PCDH15: variants seen among roughly 807,000 people sequenced by gnomAD.
PCDH15 encodes protocadherin related 15.
PCDH15 carries 129 observed loss-of-function variants against 178.5 expected under a neutral mutation model. That is an observed-to-expected ratio of 0.72 (90% CI 0.63 to 0.84). The LOEUF is 0.84. Among genes scored for constraint, PCDH15 ranks in the 40% least tolerant of loss-of-function variants. PCDH15 has a pLI of 0.00. For synonymous variants in PCDH15, 800 were observed against 732.0 expected, an observed-to-expected ratio of 1.09 and a Z score of -1.50; for missense variants, 2,230 against 2,099.9, an observed-to-expected ratio of 1.06 and a Z score of -1.21.
At chr10:54,016,532 T>C (rs1589928975) in intron 20 of PCDH15, among the ~76,000 whole-genome samples, 2 of 152,270 alleles carry the variant, frequency 1.3e-5, no homozygotes, top group East Asian at 3.9e-4. Context: ...ATATATGCCA[T>C]GGAATAACTA....
chr10:55,061,121 CA>C (rs531797407), intron 2 of PCDH15, among the ~76,000 whole-genome samples: 1 of 151,532 alleles, frequency 6.6e-6, no homozygotes, highest in Non-Finnish European at 1.5e-5. Context: ...AAGACAATGG[CA>C]AAAAAATGAA....
At chr10:55,007,005 A>T (rs1021413343) in intron 2 of PCDH15, among the ~76,000 whole-genome samples, 1 of 150,722 alleles carries the variant, frequency 6.6e-6, no homozygotes, top group South Asian at 2.1e-4. Context: ...ACTGTTTAGC[A>T]CCTCCCCCCA....
At chr10:54,259,054 T>G (rs1306546499) in intron 8 of PCDH15, among the ~76,000 whole-genome samples, 1 of 152,172 alleles carries the variant, frequency 6.6e-6, no homozygotes, top group Non-Finnish European at 1.5e-5. Flanking sequence ...AAAATCTTCT[T>G]GAGAAATTAT....
At position 54,332,451 on chromosome 10, in the gene PCDH15, T is replaced by C. The variant is rs1231403495; in HGVS notation, c.595-2745A>G. 2.1e-5 allele frequency among the ~76,000 whole-genome samples: 3 copies of C among 144,324 alleles called. No individual in the cohort carries two copies. In the East Asian group the frequency reaches 5.9e-4, roughly 28 times the overall value. 94.7% of individuals were successfully genotyped at this position (144,324 alleles called of 152,430 possible). On this transcript the variant is annotated intron_variant, in intron 6 of 37. Coordinates refer to ENST00000644397, the MANE Select transcript of PCDH15 (RefSeq NM_001384140.1). ...TATTCCTGTCTCTATGTGTTTACAC[T>C]GTAGGCCTCTCTCTTCTCCAAACAG...
chr10:53,905,356 T>TG, intron 25 of PCDH15: 1 of 440,080 alleles, frequency 2.3e-6, no homozygotes, highest in Non-Finnish European at 4.6e-6. Flanking sequence ...TTTTTTGAGA[T>TG]GGAGTCTCCC....
At chr10:54,605,887 G>C in intron 2 of PCDH15, 1 of 152,092 alleles carries the variant, frequency 6.6e-6, no homozygotes, top group East Asian at 1.9e-4. Context: ...TCCTCAGGTA[G>C]CAGCTGGAAA....
intron 2 of PCDH15, among the ~76,000 whole-genome samples, chr10:55,162,613 C>T (rs1839094854): frequency 6.6e-6 from 1 of 152,118 alleles, no homozygotes; most frequent in Non-Finnish European, 1.5e-5. Flanking sequence ...GATAATAGTC[C>T]TTCCCAGAAA....
At chr10:54,510,241 A>G (rs1377223987) in intron 3 of PCDH15, among the ~76,000 whole-genome samples, 1 of 152,222 alleles carries the variant, frequency 6.6e-6, no homozygotes, top group Non-Finnish European at 1.5e-5. Flanking sequence ...TGACATCAGC[A>G]GAACTTTGAG....
At chr10:54,388,124 C>T (rs533060203) in intron 3 of PCDH15, among the ~76,000 whole-genome samples, 26 of 152,124 alleles carry the variant, frequency 1.7e-4, no homozygotes, top group Admixed American at 6.6e-5. Flanking sequence ...TACATCTGTT[C>T]CTCTTGCTTC....
intron 2 of PCDH15, among the ~76,000 whole-genome samples, chr10:55,461,239 G>A (rs562818016): frequency 1.3e-5 from 2 of 152,230 alleles, no homozygotes; most frequent in African/African-American, 4.8e-5. Flanking sequence ...TCTTCAGGAC[G>A]TCAATTCAGG....
At chr10:54,707,108 A>C (rs957035163) in intron 1 of PCDH15, among the ~76,000 whole-genome samples, 1 of 152,208 alleles carries the variant, frequency 6.6e-6, no homozygotes, top group Non-Finnish European at 1.5e-5. Flanking sequence ...GCTGACCTCT[A>C]TAGGTAATAA....
rs1841141588 is a variant in PCDH15, at chr10:53,806,183, T to C, written c.*396A>G. The C allele has an allele frequency of 1.1e-5, 2 of 175,410 alleles. No homozygotes were observed. Among genetic ancestry groups the C allele is most frequent in the African/African-American group, 4.8e-5 (2 of 41,608 alleles). 10.9% of individuals were successfully genotyped at this position (175,410 alleles called of 1,614,324 possible). ...TATCCTCTTACTTCTTTTTTGCCCTTTTGGCTATGGAAAATAAAATTACAT... is the reference window on the plus strand; with the variant it reads ...TATCCTCTTACTTCTTTTTTGCCCTCTTGGCTATGGAAAATAAAATTACAT... On this transcript the variant is annotated 3_prime_UTR_variant, in exon 38 of 38. Coordinates refer to ENST00000644397, the MANE Select transcript of PCDH15 (RefSeq NM_001384140.1).
At chr10:53,884,282 A>G (rs1420063870) in intron 26 of PCDH15, among the ~76,000 whole-genome samples, 1 of 152,198 alleles carries the variant, frequency 6.6e-6, no homozygotes, top group Non-Finnish European at 1.5e-5. Flanking sequence ...GTAAGAAATC[A>G]TCTGAAAGTT....
At chr10:54,826,856 C>T (rs544639602) in intron 3 of PCDH15, among the ~76,000 whole-genome samples, 1 of 152,102 alleles carries the variant, frequency 6.6e-6, no homozygotes, top group Admixed American at 6.6e-5. Context: ...TATTCCCTCC[C>T]TAGAAGGTAT....
At chr10:55,615,537 A>G (rs1843455860) in intron 2 of PCDH15, among the ~76,000 whole-genome samples, 3 of 152,150 alleles carry the variant, frequency 2.0e-5, no homozygotes, top group Admixed American at 2.0e-4. Context: ...TCTTCAATGT[A>G]TACTTTAACC....
intron 2 of PCDH15, among the ~76,000 whole-genome samples, chr10:55,514,080 C>T (rs1840952062): frequency 6.6e-6 from 1 of 151,966 alleles, no homozygotes; most frequent in Non-Finnish European, 1.5e-5. Context: ...CTACCATTCT[C>T]TCATGAGTAT....
At chr10:55,095,634 T>G (rs1842432363) in intron 2 of PCDH15, among the ~76,000 whole-genome samples, 1 of 152,108 alleles carries the variant, frequency 6.6e-6, no homozygotes, top group Non-Finnish European at 1.5e-5. Flanking sequence ...TAAGATTATT[T>G]AATTATTATG....
intron 2 of PCDH15, among the ~76,000 whole-genome samples, chr10:55,510,888 A>C (rs1322355863): frequency 6.6e-6 from 1 of 150,500 alleles, no homozygotes; most frequent in Non-Finnish European, 1.5e-5. Context: ...TTGAGATAGG[A>C]TCTTACTCTT....
chr10:54,029,783 T>G (rs2093237197), intron 18 of PCDH15, among the ~76,000 whole-genome samples: 1 of 152,152 alleles, frequency 6.6e-6, no homozygotes. Context: ...TTTCTCATTA[T>G]CTTCTTAGAA....
Sources: allele counts gnomAD v4.1 joint callset (sites outside exome capture counted in the v4.1 genomes callset), GRCh38; gene constraint gnomAD v4.1.1; transcripts MANE v1.5; gene names NCBI Gene and HGNC (gene_info 2026-07-23, HGNC 2026-07-21).